The following GPHN variants were observed in gnomAD, a reference collection of about 807,000 sequenced individuals.
The protein encoded by GPHN is gephyrin.
A neutral mutation model predicts 95.5 loss-of-function variants in GPHN; 17 were observed. The ratio of observed to expected loss-of-function variants is 0.18; its 90% confidence interval spans 0.12 to 0.27. The LOEUF is 0.27. Ranked by LOEUF, GPHN falls within the 10% of genes least tolerant of loss-of-function variation. The pLI, the probability that GPHN is intolerant of heterozygous loss-of-function variation, is 1.00. For missense variants in GPHN, 660 were observed against 978.1 expected, an observed-to-expected ratio of 0.67 and a Z score of 4.34; for synonymous variants, 320 against 322.5, an observed-to-expected ratio of 0.99 and a Z score of 0.08.
chr14:67,207,789 A>G, the GPHN span, among the ~76,000 whole-genome samples: 1 of 152,144 alleles, frequency 6.6e-6, no homozygotes, highest in Non-Finnish European at 1.5e-5. Flanking sequence ...ACAAAAAAAA[A>G]TTTCTTTTAT....
chr14:66,665,799 C>A lies in GPHN; in HGVS notation c.65-15308C>A, dbSNP rs189975894. On this transcript the variant is annotated intron_variant, in intron 1 of 22. Coordinates refer to ENST00000478722, the MANE Select transcript of GPHN (RefSeq NM_020806.5). ...CATGCTGCTATAAAGACACATGGCA[C>A]ACATATGTTTATTGTGGCACTATTC... Among the ~76,000 whole-genome samples the A allele has an allele frequency of 3.6e-3, 553 of 152,264 alleles. 8 individuals carry two copies. The highest frequency in any genetic ancestry group is 0.019 in the Admixed American group (298 of 15,290).
intron 4 of GPHN, among the ~76,000 whole-genome samples, chr14:66,865,774 A>G (rs2063200686): frequency 1.3e-5 from 2 of 152,208 alleles, no homozygotes; most frequent in Non-Finnish European, 2.9e-5. Flanking sequence ...ATCTCAATAT[A>G]AAATAGTATT....
At chr14:66,981,685 A>C (rs1472252308) in intron 9 of GPHN, among the ~76,000 whole-genome samples, 1 of 152,176 alleles carries the variant, frequency 6.6e-6, no homozygotes, top group Non-Finnish European at 1.5e-5. Flanking sequence ...AGATCTAAAA[A>C]TAAAATGGCC....
chr14:67,673,781 G>C, the GPHN span, among the ~76,000 whole-genome samples: 34 of 152,174 alleles, frequency 2.2e-4, no homozygotes, highest in Non-Finnish European at 1.0e-4. Flanking sequence ...GAAAACTCTA[G>C]CTCCTCCAGA....
chr14:67,137,962 T>C lies in GPHN; in HGVS notation c.1749-5400T>C, dbSNP rs544691166. Reference sequence around the variant, plus strand: ...CTGCTTAATCCAATAGCCCCTCTAGTGGCAGTGGTGAGAATAAGTCAAATT... The same window carrying C: ...CTGCTTAATCCAATAGCCCCTCTAGCGGCAGTGGTGAGAATAAGTCAAATT... On this transcript the variant is annotated intron_variant, in intron 17 of 22. Coordinates refer to ENST00000478722, the MANE Select transcript of GPHN (RefSeq NM_020806.5). Among the ~76,000 whole-genome samples the C allele has an allele frequency of 2.8e-3, 428 of 152,314 alleles. 2 individuals carry two copies. Among genetic ancestry groups the C allele is most frequent in the African/African-American group, 9.5e-3 (397 of 41,586 alleles).
intron 9 of GPHN, among the ~76,000 whole-genome samples, chr14:66,992,783 C>T (rs1422496304): frequency 6.6e-6 from 1 of 151,950 alleles, no homozygotes; most frequent in African/African-American, 2.4e-5. Flanking sequence ...TGTGGAGAAA[C>T]ATAAAAAGAA....
chr14:67,381,933 T>C, the GPHN span, among the ~76,000 whole-genome samples: 4 of 152,176 alleles, frequency 2.6e-5, no homozygotes, highest in Non-Finnish European at 5.9e-5. Flanking sequence ...AAGCCAGCGA[T>C]GCCAAACCTC....
At chr14:67,247,538 T>C in the GPHN span, among the ~76,000 whole-genome samples, 1 of 152,178 alleles carries the variant, frequency 6.6e-6, no homozygotes, top group African/African-American at 2.4e-5. Context: ...GGACTTCCAC[T>C]GAGATGTCGA....
the GPHN span, among the ~76,000 whole-genome samples, chr14:67,411,158 A>G: frequency 6.7e-6 from 1 of 149,620 alleles, no homozygotes; most frequent in East Asian, 2.0e-4. Context: ...AAAAAAAAAA[A>G]GGTCAAATCA....
At chr14:67,644,331 C>G in the GPHN span, among the ~76,000 whole-genome samples, 1 of 152,150 alleles carries the variant, frequency 6.6e-6, no homozygotes, top group Non-Finnish European at 1.5e-5. Flanking sequence ...ATCCCTATCT[C>G]ACAGAAAAGG....
At chr14:67,171,537 CATACCTGGAG>C (rs2082598974) in intron 21 of GPHN, among the ~76,000 whole-genome samples, 1 of 152,104 alleles carries the variant, frequency 6.6e-6, no homozygotes, top group Non-Finnish European at 1.5e-5. Flanking sequence ...TCGCTAGAAA[CATACCTGGAG>C]TAACTCCCAT....
chr14:67,095,506 A>G (rs1456430685), intron 12 of GPHN, among the ~76,000 whole-genome samples: 2 of 152,200 alleles, frequency 1.3e-5, no homozygotes, highest in Admixed American at 6.5e-5. Context: ...ACTATTCACA[A>G]TAGCAAAGAC....
the GPHN span, chr14:67,555,905 T>C: frequency 6.2e-7 from 1 of 1,611,806 alleles, no homozygotes; most frequent in Non-Finnish European, 8.5e-7. Flanking sequence ...GGGGAGGGGA[T>C]CGGCGGGAAT....
At chr14:66,513,284 G>A (rs1482908324) in intron 1 of GPHN, among the ~76,000 whole-genome samples, 2 of 151,378 alleles carry the variant, frequency 1.3e-5, no homozygotes, top group South Asian at 2.1e-4. Flanking sequence ...CACTGGCCAA[G>A]GACTTGAAAA....
intron 9 of GPHN, among the ~76,000 whole-genome samples, chr14:66,970,026 T>C (rs1326316722): frequency 1.3e-5 from 2 of 151,714 alleles, no homozygotes; most frequent in Non-Finnish European, 2.9e-5. Flanking sequence ...TAGTCACATA[T>C]GTTCCTGTAC....
chr14:66,647,889 C>A lies in GPHN; in HGVS notation c.65-33218C>A, dbSNP rs189034112. Among the ~76,000 whole-genome samples the A allele has an allele frequency of 3.0e-3, 457 of 152,192 alleles. 3 individuals are homozygous for A. The highest frequency in any genetic ancestry group is 0.011 in the African/African-American group (439 of 41,526). On this transcript the variant is annotated intron_variant, in intron 1 of 22. Coordinates refer to ENST00000478722, the MANE Select transcript of GPHN (RefSeq NM_020806.5). ...AAACATTGCAAACTGATTTAAAGAT[C>A]CACTCACAAAGGCAATCAGCTTGCA...
At chr14:66,528,058 C>T (rs2058761552) in intron 1 of GPHN, among the ~76,000 whole-genome samples, 1 of 152,132 alleles carries the variant, frequency 6.6e-6, no homozygotes, top group South Asian at 2.1e-4. Flanking sequence ...CTAATATTGA[C>T]AGTGGGGTGT....
intron 8 of GPHN, among the ~76,000 whole-genome samples, chr14:66,962,969 G>A (rs961136066): frequency 6.6e-6 from 1 of 151,710 alleles, no homozygotes; most frequent in Non-Finnish European, 1.5e-5. Flanking sequence ...CAGATGTATG[G>A]TTACCCCATA....
chr14:67,386,714 A>G, the GPHN span, among the ~76,000 whole-genome samples: 1 of 152,160 alleles, frequency 6.6e-6, no homozygotes, highest in Admixed American at 6.5e-5. Context: ...TAGAAAAGCT[A>G]TGTAATGTAT....
Sources: allele counts gnomAD v4.1 joint callset (sites outside exome capture counted in the v4.1 genomes callset), GRCh38; gene constraint gnomAD v4.1.1; transcripts MANE v1.5; gene names NCBI Gene and HGNC (gene_info 2026-07-23, HGNC 2026-07-21).